The following NAV2 variants were observed in gnomAD, a reference collection of about 807,000 sequenced individuals.
The protein encoded by NAV2 is helicase, APC down-regulated 1.
A neutral mutation model predicts 223.2 loss-of-function variants in NAV2; 54 were observed. That is an observed-to-expected ratio of 0.24 (90% CI 0.19 to 0.30). The LOEUF (loss-of-function observed/expected upper bound fraction) is 0.30. Ranked by LOEUF, NAV2 falls within the 10% of genes least tolerant of loss-of-function variation. The probability of loss-of-function intolerance (pLI) is 1.00; values close to 1 mark genes in which losing one functional copy is unlikely to be tolerated. For missense variants in NAV2, 2,806 were observed against 3,147.5 expected (o/e 0.89, Z 2.60); for synonymous variants, 1,279 against 1,239.3 (o/e 1.03, Z -0.67).
intron 1 of NAV2, among the ~76,000 whole-genome samples, chr11:19,433,596 C>T (rs1464581803): frequency 1.3e-5 from 2 of 152,188 alleles, no homozygotes; most frequent in South Asian, 2.1e-4. Flanking sequence ...ATCAAAACCC[C>T]CATCTGCTCA....
intron 26 of NAV2, among the ~76,000 whole-genome samples, chr11:20,083,987 G>C (rs1248250637): frequency 1.3e-5 from 2 of 152,354 alleles, no homozygotes; most frequent in South Asian, 4.1e-4. Context: ...GGTAGAGGGA[G>C]TACAGGCAAA....
At chr11:20,066,818 C>T (rs974297752) in intron 20 of NAV2, among the ~76,000 whole-genome samples, 5 of 152,212 alleles carry the variant, frequency 3.3e-5, no homozygotes, top group African/African-American at 1.2e-4. Flanking sequence ...AGAGTTCTTA[C>T]TGATGTTCAC....
At chr11:19,811,610 T>C (rs2058838343) in intron 1 of NAV2, among the ~76,000 whole-genome samples, 1 of 152,190 alleles carries the variant, frequency 6.6e-6, no homozygotes, top group Non-Finnish European at 1.5e-5. Flanking sequence ...ATTGCCAACC[T>C]TGTGGTGCCA....
chr11:20,022,189 G>C (rs1325577074), intron 11 of NAV2, among the ~76,000 whole-genome samples: 1 of 152,194 alleles, frequency 6.6e-6, no homozygotes, highest in Non-Finnish European at 1.5e-5. Context: ...TATAACATAA[G>C]TTTGCTTTTG....
intron 1 of NAV2, among the ~76,000 whole-genome samples, chr11:19,646,523 T>C (rs1214450966): frequency 6.6e-6 from 1 of 152,132 alleles, no homozygotes; most frequent in South Asian, 2.1e-4. Flanking sequence ...CGTGTGGTGA[T>C]GTTTACCAGG....
At chr11:20,027,036 T>C (rs927004559) in intron 11 of NAV2, among the ~76,000 whole-genome samples, 1 of 152,208 alleles carries the variant, frequency 6.6e-6, no homozygotes, top group Admixed American at 6.5e-5. Flanking sequence ...TAAAGTTGGC[T>C]ATTATTATGC....
chr11:19,746,801 G>A (rs182568158), intron 1 of NAV2, among the ~76,000 whole-genome samples: 5 of 151,904 alleles, frequency 3.3e-5, no homozygotes, highest in Admixed American at 1.3e-4. Context: ...CTGATTGCAA[G>A]GGGCTGCAAG....
chr11:20,060,472 A>G (rs536339851), intron 19 of NAV2, among the ~76,000 whole-genome samples: 3 of 152,360 alleles, frequency 2.0e-5, no homozygotes, highest in Non-Finnish European at 4.4e-5. Flanking sequence ...TTTTATGGGC[A>G]TGAGTCAGAT....
At chr11:19,519,629 T>A (rs1366680900) in intron 1 of NAV2, 1 of 152,202 alleles carries the variant, frequency 6.6e-6, no homozygotes, top group Non-Finnish European at 1.5e-5. Context: ...GGTTTGACAT[T>A]CAGGAAGGCT....
intron 1 of NAV2, among the ~76,000 whole-genome samples, chr11:19,673,199 T>C (rs2048617605): frequency 6.6e-6 from 1 of 152,240 alleles, no homozygotes; most frequent in Non-Finnish European, 1.5e-5. Flanking sequence ...ATGATACTTA[T>C]TACTATCTCC....
At chr11:19,909,187 A>G (rs981937330) in intron 6 of NAV2, among the ~76,000 whole-genome samples, 2 of 152,312 alleles carry the variant, frequency 1.3e-5, no homozygotes, top group Admixed American at 1.3e-4. Flanking sequence ...TTTTGCATCA[A>G]GGATACTGAA....
chr11:20,013,915 CA>C (rs533456042), intron 11 of NAV2, among the ~76,000 whole-genome samples: 119 of 152,342 alleles, frequency 7.8e-4, no homozygotes, highest in South Asian at 4.3e-3. Flanking sequence ...GAGCCACAGT[CA>C]GGAAGTGATT....
chr11:19,802,410 G>A (rs951635036), intron 1 of NAV2, among the ~76,000 whole-genome samples: 2 of 152,080 alleles, frequency 1.3e-5, no homozygotes, highest in South Asian at 2.1e-4. Context: ...AGAGGAATAC[G>A]CCACACTGTA....
At chr11:20,044,716 A>G (rs2057278002) in intron 13 of NAV2, among the ~76,000 whole-genome samples, 2 of 152,232 alleles carry the variant, frequency 1.3e-5, no homozygotes, top group South Asian at 2.1e-4. Flanking sequence ...CCCCCCAGAC[A>G]TATCAGTGAT....
intron 9 of NAV2, among the ~76,000 whole-genome samples, chr11:19,948,371 C>G (rs1490850160): frequency 1.3e-5 from 2 of 152,142 alleles, no homozygotes; most frequent in African/African-American, 4.8e-5. Context: ...GGCACTGCAT[C>G]TGGCCTGGAA....
At chr11:19,790,763 C>G (rs2057459739) in intron 1 of NAV2, among the ~76,000 whole-genome samples, 1 of 151,420 alleles carries the variant, frequency 6.6e-6, no homozygotes, top group Non-Finnish European at 1.5e-5. Context: ...AGGCAACCAG[C>G]ACATCATGCA....
At chr11:20,092,967 TCCCCTAC>T in intron 28 of NAV2, 125 bp from the exon 29 acceptor site, 2 of 255,768 alleles carry the variant, frequency 7.8e-6, no homozygotes, top group East Asian at 1.1e-4. Flanking sequence ...CCTCTCCTCT[TCCCCTAC>T]CCCCCCACCC....
intron 1 of NAV2, among the ~76,000 whole-genome samples, chr11:19,773,503 A>G (rs576740231): frequency 4.2e-4 from 64 of 152,306 alleles, no homozygotes; most frequent in African/African-American, 1.5e-3. Context: ...CAACAGCTGG[A>G]AGGCACCAGA....
intron 1 of NAV2, among the ~76,000 whole-genome samples, chr11:19,493,044 C>T (rs1309425543): frequency 6.6e-6 from 1 of 152,136 alleles, no homozygotes; most frequent in African/African-American, 2.4e-5. Flanking sequence ...TGATAATAAT[C>T]GTCCAGGTCG....
Sources: allele counts gnomAD v4.1 joint callset (sites outside exome capture counted in the v4.1 genomes callset), GRCh38; gene constraint gnomAD v4.1.1; transcripts MANE v1.5; gene names NCBI Gene and HGNC (gene_info 2026-07-23, HGNC 2026-07-21).